KATNIP: variants seen among roughly 807,000 people sequenced by gnomAD.
The protein encoded by KATNIP is katanin-interacting protein.
KATNIP carries 126 observed loss-of-function variants against 174.0 expected under a neutral mutation model. That is an observed-to-expected ratio of 0.72 (90% confidence interval 0.63 to 0.84). KATNIP has a LOEUF of 0.84. Among genes scored for constraint, KATNIP ranks in the 40% least tolerant of loss-of-function variants. The probability of loss-of-function intolerance (pLI) is 0.00; values close to 1 mark genes in which losing one functional copy is unlikely to be tolerated. For synonymous variants in KATNIP, 810 were observed against 835.7 expected (o/e 0.97, Z 0.53); for missense variants, 1,958 against 2,109.7 (o/e 0.93, Z 1.41).
chr16:27,600,470 ACT>A (rs2075479869), intron 2 of KATNIP, among the ~76,000 whole-genome samples: 1 of 151,880 alleles, frequency 6.6e-6, no homozygotes, highest in African/African-American at 2.4e-5. Flanking sequence ...AGAAGCAAAG[ACT>A]CTCTAGCCGT....
At chr16:27,579,450 CT>C (rs2090613846) in intron 2 of KATNIP, among the ~76,000 whole-genome samples, 1 of 152,212 alleles carries the variant, frequency 6.6e-6, no homozygotes, top group African/African-American at 2.4e-5. Context: ...TAGCACAGTG[CT>C]GGGCACACCA....
At position 27,576,084 on chromosome 16, in the gene KATNIP, C is replaced by A. The variant is rs1311400307; in HGVS notation, c.63+2128C>A. The stretch of plus-strand genomic sequence containing the variant: ...AAGAAACCTGAAACCCACCCCTGGC[C>A]TTTGGTCACAGAATAGCAGCATCCT... On this transcript the variant is annotated intron_variant, in intron 2 of 27. Coordinates refer to ENST00000261588, the MANE Select transcript of KATNIP (RefSeq NM_015202.5). Among the ~76,000 whole-genome samples, 4 of 152,124 alleles carry A rather than the reference C, an allele frequency of 2.6e-5. No individual in the cohort carries two copies. The East Asian group carries it at 7.7e-4, about 29-fold the overall frequency.
chr16:27,704,866 G>A (rs1363870582), intron 12 of KATNIP, among the ~76,000 whole-genome samples: 2 of 151,690 alleles, frequency 1.3e-5, no homozygotes, highest in South Asian at 2.1e-4. Context: ...CAGAGTGGTA[G>A]GATTAACGGT....
chr16:27,725,973 A>G lies in KATNIP; in HGVS notation c.1743+4278A>G, dbSNP rs538631670. On this transcript the variant is annotated intron_variant, in intron 14 of 27. Transcript: ENST00000261588. The stretch of plus-strand genomic sequence containing the variant: ...GTTTCTGTGACATGTCATGTGGTCT[A>G]GGCCAGGGGTCCCCAGCCCCCAGGC... Among the ~76,000 whole-genome samples the G allele has an allele frequency of 5.9e-5, 9 of 152,288 alleles. No individual in the cohort carries two copies. In the South Asian group the frequency reaches 1.9e-3, roughly 32 times the overall value.
At chr16:27,643,031 A>C (rs888251702) in intron 5 of KATNIP, among the ~76,000 whole-genome samples, 14 of 152,244 alleles carry the variant, frequency 9.2e-5, no homozygotes, top group Admixed American at 9.2e-4. Context: ...GTATTTGTAA[A>C]TAAAGTGTTA....
At chr16:27,699,734 C>G in intron 10 of KATNIP, 135 bp downstream of exon 10, 1 of 1,163,038 alleles carries the variant, frequency 8.6e-7, no homozygotes, top group Non-Finnish European at 1.2e-6. Flanking sequence ...TTCCTTCACA[C>G]TGTCCTACCA....
intron 18 of KATNIP, among the ~76,000 whole-genome samples, chr16:27,761,090 T>A (rs2081937308): frequency 6.6e-6 from 1 of 152,142 alleles, no homozygotes; most frequent in African/African-American, 2.4e-5. Flanking sequence ...GGGAATGCGT[T>A]GTTGGCCAGA....
intron 15 of KATNIP, among the ~76,000 whole-genome samples, chr16:27,743,685 C>A (rs755644562): frequency 6.6e-6 from 1 of 152,184 alleles, no homozygotes; most frequent in African/African-American, 2.4e-5. Flanking sequence ...AACCTCCCAA[C>A]AGACTCATTT....
Position 27,664,603 on chromosome 16 carries a change from C to T in KATNIP, c.541-13126C>T, listed in dbSNP as rs148883269. Among the ~76,000 whole-genome samples the T allele has an allele frequency of 1.9e-4, 29 of 152,304 alleles. No individual in the cohort carries two copies. In the East Asian group the frequency reaches 4.0e-3, roughly 21 times the overall value. ...ACTCTCATACTCATTAGCAAACCAC[C>T]GCTGTAGGGCTTGACTTACTTTTTG... is the stretch of plus-strand genomic sequence containing the variant. On this transcript the variant is annotated intron_variant, in intron 6 of 27. Coordinates refer to ENST00000261588, the MANE Select transcript of KATNIP (RefSeq NM_015202.5).
chr16:27,707,078 C>T (rs2079341112), intron 12 of KATNIP, among the ~76,000 whole-genome samples: 1 of 152,160 alleles, frequency 6.6e-6, no homozygotes, highest in African/African-American at 2.4e-5. Flanking sequence ...TCCCTATCCG[C>T]GTTCCCACCG....
chr16:27,661,911 AATATATATATATATATATATATATATAT>A lies in KATNIP; in HGVS notation c.540+13194_540+13221del, dbSNP rs55805859. Among the ~76,000 whole-genome samples the A allele has an allele frequency of 2.6e-3, 26 of 9,888 alleles. 1 individual carries two copies. Among genetic ancestry groups the A allele is most frequent in the Admixed American group, 0.014 (9 of 642 alleles). The allele number at this position is 9,888 out of a possible 152,430, so 6.5% of individuals were successfully genotyped here. A position where few individuals can be genotyped will look rare whatever the true frequency, so the allele number is the denominator to read the frequency against. The stretch of plus-strand genomic sequence containing the variant: ...CAGGCACAAGCCACTGTGCCTGGCT[AATATATATATATATATATATATATATAT>A]ATATATATATATATATACACATACA... On this transcript the variant is annotated intron_variant, in intron 6 of 27. Coordinates refer to ENST00000261588, the MANE Select transcript of KATNIP (RefSeq NM_015202.5).
intron 2 of KATNIP, among the ~76,000 whole-genome samples, chr16:27,581,890 G>T (rs2090713869): frequency 6.6e-6 from 1 of 152,272 alleles, no homozygotes; most frequent in East Asian, 1.9e-4. Context: ...ATAGTCTCCA[G>T]TTCTATCCAT....
rs763517086 is a variant in KATNIP at position 27,708,779 on chromosome 16, C to T, written c.1464C>T (p.Gly488=). 1 of 1,613,824 alleles carries T rather than the reference C, an allele frequency of 6.2e-7. No homozygotes were observed. Among genetic ancestry groups the T allele is most frequent in the East Asian group, 2.2e-5 (1 of 44,864 alleles). The change falls in exon 13 of 28, where the codon GGC becomes GGT. Residue 488 remains glycine, a synonymous_variant. Coordinates refer to ENST00000261588, the MANE Select transcript of KATNIP (RefSeq NM_015202.5). The stretch of plus-strand genomic sequence containing the variant: ...CCATGGAGATCCTGTCCAACTGGGG[C>T]AACTCGTGGTGGGTGGGTCTCACAG... The part of the protein sequence containing the change: ...YVTMEILSNW[G]NSWWVGLTEV...
chr16:27,721,504 T>C (rs781420514), intron 13 of KATNIP, 54 bp from the exon 14 acceptor site: 136 of 1,610,398 alleles, frequency 8.4e-5, no homozygotes, highest in Non-Finnish European at 1.1e-4. Flanking sequence ...CCATTTTACT[T>C]TGGGGAGAGG....
rs556351859 is a variant in KATNIP, at chr16:27,550,176, C to T, written c.6C>T (p.Asp2=). The change falls in exon 1 of 28, where the codon GAC becomes GAT. Residue 2 remains aspartate (D), a splice_region_variant and synonymous_variant. Transcript: ENST00000261588. M[D]GQTLRKAERS... ...CGGAACCGCCGCCTCTAGGGATGGA[C>T]GGTGAGTGTCTGTGGGCCCCTCCGG... is the stretch of plus-strand genomic sequence containing the variant. The T allele has an allele frequency of 3.1e-6, 5 of 1,611,460 alleles. No individual in the cohort carries two copies. The African/African-American group carries it at 4.0e-5, about 13-fold the overall frequency.
intron 23 of KATNIP, 26 bp downstream of exon 23, chr16:27,773,235 C>G: frequency 6.7e-7 from 1 of 1,493,784 alleles, no homozygotes; most frequent in Middle Eastern, 1.8e-4. Flanking sequence ...CAGGAGTGGG[C>G]TCCACCCAGA....
intron 1 of KATNIP, among the ~76,000 whole-genome samples, chr16:27,572,959 C>T (rs1465906123): frequency 6.6e-6 from 1 of 152,228 alleles, no homozygotes; most frequent in Non-Finnish European, 1.5e-5. Context: ...AGCTTTATCA[C>T]CAGCTGTGAC....
chr16:27,743,962 A>G (rs1214970622), intron 15 of KATNIP, among the ~76,000 whole-genome samples: 1 of 152,208 alleles, frequency 6.6e-6, no homozygotes, highest in East Asian at 1.9e-4. Context: ...CCCAAATTCA[A>G]GAGATTTTGT....
intron 2 of KATNIP, among the ~76,000 whole-genome samples, chr16:27,607,135 G>C (rs144433944): frequency 1.3e-5 from 2 of 152,146 alleles, no homozygotes; most frequent in Non-Finnish European, 2.9e-5. Flanking sequence ...CCTGCAGTAC[G>C]TGCTTTCCCT....
Sources: allele counts gnomAD v4.1 joint callset (sites outside exome capture counted in the v4.1 genomes callset), GRCh38; gene constraint gnomAD v4.1.1; transcripts MANE v1.5; gene names NCBI Gene and HGNC (gene_info 2026-07-23, HGNC 2026-07-21).